The following C12orf54 variants were observed in gnomAD, a reference collection of about 807,000 sequenced individuals.
C12orf54 encodes uncharacterized protein C12orf54.
A neutral mutation model predicts 26.4 loss-of-function variants in C12orf54; 24 were observed. That is an observed-to-expected ratio of 0.91 (90% confidence interval 0.66 to 1.28). The LOEUF is 1.28. C12orf54 is among the 50% of genes most tolerant of loss of function. The pLI is 0.00. For missense variants in C12orf54, 154 were observed against 150.9 expected (o/e 1.02, Z -0.11); for synonymous variants, 54 against 47.0 (o/e 1.15, Z -0.61).
At chr12:48,492,754 T>C (rs897638386) in intron 6 of C12orf54, 193 bp from the exon 7 acceptor site, 2 of 599,230 alleles carry the variant, frequency 3.3e-6, no homozygotes, top group African/African-American at 3.7e-5. Context: ...TCCGCTCTGC[T>C]TCACAGGGGG....
chr12:48,457,277 G>A, the C12orf54 span, among the ~76,000 whole-genome samples: 1 of 139,586 alleles, frequency 7.2e-6, no homozygotes, highest in Non-Finnish European at 1.6e-5. Context: ...GTTTTTTGTT[G>A]TTGTTGTTGG....
the C12orf54 span, among the ~76,000 whole-genome samples, chr12:48,415,005 C>A: frequency 6.6e-6 from 1 of 152,184 alleles, no homozygotes; most frequent in East Asian, 1.9e-4. Context: ...TTATTTCTAT[C>A]TCCAACTAAT....
chr12:48,486,865 C>G, intron 4 of C12orf54, 139 bp downstream of exon 4: 2 of 823,366 alleles, frequency 2.4e-6, no homozygotes, highest in African/African-American at 3.4e-5. Flanking sequence ...TCCCTCCCAC[C>G]TTGTTCTGTT....
At chr12:48,447,434 T>C in the C12orf54 span, among the ~76,000 whole-genome samples, 1 of 152,326 alleles carries the variant, frequency 6.6e-6, no homozygotes, top group South Asian at 2.1e-4. Flanking sequence ...AAGACATCTC[T>C]TCTCAATTCA....
chr12:48,488,991 C>G (rs200302287), intron 5 of C12orf54, 35 bp downstream of exon 5: 283 of 1,601,334 alleles, frequency 1.8e-4, no homozygotes, highest in Non-Finnish European at 2.3e-4. Flanking sequence ...AATTCCCCAG[C>G]CCCATCATGT....
At chr12:48,475,640 G>T in the C12orf54 span, among the ~76,000 whole-genome samples, 1 of 152,266 alleles carries the variant, frequency 6.6e-6, no homozygotes, top group South Asian at 2.1e-4. Flanking sequence ...GGAAGAAAGG[G>T]TATCAGTGAT....
upstream of C12orf54, among the ~76,000 whole-genome samples, chr12:48,480,109 C>T (rs1954183374): frequency 1.3e-5 from 2 of 152,044 alleles, no homozygotes; most frequent in South Asian, 2.1e-4. Flanking sequence ...TATAAAGTTA[C>T]CAAAAACACA....
the C12orf54 span, among the ~76,000 whole-genome samples, chr12:48,458,107 C>T: frequency 6.6e-5 from 10 of 152,192 alleles, no homozygotes; most frequent in South Asian, 2.1e-4. Context: ...ACCTTGTTTT[C>T]GGCTTCCTCT....
the C12orf54 span, among the ~76,000 whole-genome samples, chr12:48,424,602 A>G: frequency 5.9e-5 from 9 of 152,102 alleles, no homozygotes; most frequent in South Asian, 2.1e-4. Flanking sequence ...TATGTTGCCA[A>G]TGGGAATACA....
the C12orf54 span, among the ~76,000 whole-genome samples, chr12:48,458,746 T>C: frequency 6.7e-6 from 1 of 150,106 alleles, no homozygotes; most frequent in Non-Finnish European, 1.5e-5. Context: ...TTTTTTTTTT[T>C]AAACCAAACC....
chr12:48,473,068 T>C, the C12orf54 span: 5 of 1,614,090 alleles, frequency 3.1e-6, no homozygotes, highest in Non-Finnish European at 4.2e-6. Flanking sequence ...TGAGAAAAGA[T>C]GTTCAAGCTC....
At chr12:48,462,943 A>C in the C12orf54 span, among the ~76,000 whole-genome samples, 1 of 151,890 alleles carries the variant, frequency 6.6e-6, no homozygotes, top group Non-Finnish European at 1.5e-5. Flanking sequence ...ACTGGAAAGG[A>C]AAAATTAAAA....
At position 48,486,774 on chromosome 12, in the gene C12orf54, T is replaced by C. The variant is rs545281013; in HGVS notation, c.135+48T>C. 5 of 1,556,340 alleles carry C rather than the reference T, an allele frequency of 3.2e-6. No homozygotes were observed. In the South Asian group the frequency reaches 3.4e-5, roughly 10 times the overall value. ...TGACAGCATGGCATGAGGTGGGAGG[T>C]GGGGGAAGTCTTCAGGAAGGAGCAC... On this transcript the variant is annotated intron_variant, in intron 4 of 8. Transcript: ENST00000548364.
chr12:48,464,642 A>T, the C12orf54 span, among the ~76,000 whole-genome samples: 1 of 152,174 alleles, frequency 6.6e-6, no homozygotes, highest in Non-Finnish European at 1.5e-5. Context: ...ATAAAGCTGG[A>T]GGCATCACAT....
At chr12:48,482,979 C>G (rs1475737166) in intron 1 of C12orf54, among the ~76,000 whole-genome samples, 1 of 151,502 alleles carries the variant, frequency 6.6e-6, no homozygotes, top group Non-Finnish European at 1.5e-5. Flanking sequence ...TCTGTTGTTA[C>G]TGACAAAGAC....
chr12:48,426,804 GGTTA>G, the C12orf54 span, among the ~76,000 whole-genome samples: 2 of 152,012 alleles, frequency 1.3e-5, no homozygotes, highest in African/African-American at 2.4e-5. Context: ...TCACCTCCCT[GGTTA>G]GTTATATTCC....
At chr12:48,430,343 G>A in the C12orf54 span, among the ~76,000 whole-genome samples, 1 of 151,990 alleles carries the variant, frequency 6.6e-6, no homozygotes, top group African/African-American at 2.4e-5. Flanking sequence ...GCAGCAAAAG[G>A]AACAGTGAGC....
chr12:48,482,719 A>G (rs1377245059), intron 1 of C12orf54, 143 bp downstream of exon 1: 1 of 152,250 alleles, frequency 6.6e-6, no homozygotes, highest in African/African-American at 2.4e-5. Flanking sequence ...CTTCTTCTCT[A>G]CAAAGCACTT....
the C12orf54 span, among the ~76,000 whole-genome samples, chr12:48,469,069 G>A: frequency 1.3e-5 from 2 of 152,156 alleles, no homozygotes; most frequent in Non-Finnish European, 2.9e-5. Flanking sequence ...AGATCACAAG[G>A]TCAGGGCAAA....
Sources: allele counts gnomAD v4.1 joint callset (sites outside exome capture counted in the v4.1 genomes callset), GRCh38; gene constraint gnomAD v4.1.1; transcripts MANE v1.5; gene names NCBI Gene and HGNC (gene_info 2026-07-23, HGNC 2026-07-21).